Variants in MAEA observed in about 807,000 individuals in gnomAD.
The protein encoded by MAEA is E3 ubiquitin-protein transferase MAEA.
Under a neutral mutation model 46.2 loss-of-function variants are expected in MAEA, and 22 were observed. The ratio of observed to expected loss-of-function variants is 0.48; its 90% CI spans 0.34 to 0.68. The LOEUF is 0.68. MAEA is among the 30% of genes least tolerant of loss of function. MAEA has a pLI of 0.01. For synonymous variants in MAEA, 246 were observed against 222.6 expected (o/e 1.11, Z -0.94); for missense variants, 393 against 558.1 (o/e 0.70, Z 2.98).
chr4:1,306,171 C>T (rs1560338591), intron 1 of MAEA, among the ~76,000 whole-genome samples: 1 of 152,142 alleles, frequency 6.6e-6, no homozygotes, highest in Non-Finnish European at 1.5e-5. Context: ...TAATACTTGG[C>T]CAAATGTTTG....
rs1237184721 is a variant in MAEA at position 1,311,057 on chromosome 4, A to T, written c.70-922A>T. On this transcript the variant is annotated intron_variant, in intron 1 of 8. Transcript: ENST00000303400. The surrounding 1 kb of genome is among the most constrained non-coding windows in gnomAD (Gnocchi z 4.4). ...GGGCCGGGGGAGCAGGCGGTACCCG[A>T]GAGTCTGTCCTCCCATGGTTGGGCA... Among the ~76,000 whole-genome samples the T allele has an allele frequency of 2.0e-5, 1 of 49,480 alleles. No homozygotes were observed. Among genetic ancestry groups the T allele is most frequent in the African/African-American group, 9.5e-5 (1 of 10,554 alleles). The allele number at this position is 49,480 out of a possible 152,430, so 32.5% of individuals were successfully genotyped here. A position where few individuals can be genotyped will look rare whatever the true frequency, so the allele number is the denominator to read the frequency against.
At chr4:1,338,888 T>C in intron 8 of MAEA, 186 bp from the exon 9 acceptor site, 1 of 659,614 alleles carries the variant, frequency 1.5e-6, no homozygotes, top group Non-Finnish European at 2.7e-6. Context: ...TCGTTCGAAA[T>C]GGATGAAGGG....
intron 8 of MAEA, chr4:1,338,862 C>T: frequency 1.5e-6 from 1 of 649,996 alleles, no homozygotes; most frequent in Non-Finnish European, 2.7e-6. Context: ...TCCTCTCGCC[C>T]CACCCTGCCT....
intron 1 of MAEA, among the ~76,000 whole-genome samples, chr4:1,292,174 A>T (rs11727297): frequency 6.6e-6 from 1 of 152,024 alleles, no homozygotes; most frequent in Non-Finnish European, 1.5e-5. Context: ...TCTGAGAGCA[A>T]GTCCTCCTGC....
chr4:1,295,676 C>T (rs2108853885), intron 1 of MAEA, among the ~76,000 whole-genome samples: 1 of 136,046 alleles, frequency 7.4e-6, no homozygotes, highest in East Asian at 2.4e-4. Context: ...TACCCCCTCA[C>T]CCGCTCCTAT....
At chr4:1,318,231 C>G (rs953794756) in intron 3 of MAEA, among the ~76,000 whole-genome samples, 4 of 152,226 alleles carry the variant, frequency 2.6e-5, no homozygotes, top group African/African-American at 9.7e-5. Flanking sequence ...GCACACTGTC[C>G]TTGGGACCCA....
intron 1 of MAEA, among the ~76,000 whole-genome samples, chr4:1,298,854 C>G (rs1291124394): frequency 6.6e-6 from 1 of 151,858 alleles, no homozygotes; most frequent in East Asian, 1.9e-4. Flanking sequence ...CTTGGCAAGG[C>G]ACTTTGGCAT....
intron 3 of MAEA, among the ~76,000 whole-genome samples, chr4:1,316,073 C>G: frequency 6.6e-6 from 1 of 152,052 alleles, no homozygotes; most frequent in Non-Finnish European, 1.5e-5. Flanking sequence ...ACACATCCTG[C>G]TTAGGATTTT....
chr4:1,323,080 G>A (rs1484168236), intron 4 of MAEA, among the ~76,000 whole-genome samples: 1 of 151,066 alleles, frequency 6.6e-6, no homozygotes, highest in African/African-American at 2.4e-5. Context: ...CTGAGTAGCT[G>A]GGATTATAGG....
chr4:1,329,205 C>A (rs1199419586), intron 5 of MAEA: 6 of 985,648 alleles, frequency 6.1e-6, no homozygotes, highest in Non-Finnish European at 6.0e-6. Context: ...CCTGTTACCC[C>A]CACTCCGCAT....
At chr4:1,310,489 G>C (rs17164623) in intron 1 of MAEA, among the ~76,000 whole-genome samples, 1 of 152,142 alleles carries the variant, frequency 6.6e-6, no homozygotes, top group African/African-American at 2.4e-5. Flanking sequence ...GCCTGGCTTC[G>C]AGTCCGTCTC....
intron 6 of MAEA, 44 bp downstream of exon 6, chr4:1,332,909 A>T (rs932955487): frequency 6.8e-7 from 1 of 1,478,360 alleles, no homozygotes; most frequent in African/African-American, 1.4e-5. Flanking sequence ...TGGGGTGGGG[A>T]TCCAGGGTGT....
At chr4:1,322,572 G>A in intron 4 of MAEA, 69 bp downstream of exon 4, 1 of 1,584,626 alleles carries the variant, frequency 6.3e-7, no homozygotes. Flanking sequence ...CCTGGAGCCA[G>A]CACCCCCTTG....
chr4:1,307,527 T>C (rs1735947983), intron 1 of MAEA, among the ~76,000 whole-genome samples: 1 of 152,280 alleles, frequency 6.6e-6, no homozygotes, highest in Non-Finnish European at 1.5e-5. Flanking sequence ...TTCCACTGTG[T>C]ATTGTGTTAC....
chr4:1,339,117 G>A lies in MAEA; in HGVS notation c.1139G>A (p.Arg380Lys). 4 of 1,613,978 alleles carry A rather than the reference G, an allele frequency of 2.5e-6. No homozygotes were observed. The highest frequency in any genetic ancestry group is 3.4e-6 in the Non-Finnish European group (4 of 1,180,028). ...IRQDDKVVCPRTKEVFHFSQA... is the reference protein window; with the variant it reads ...IRQDDKVVCPKTKEVFHFSQA... ...CAAGATGATAAAGTCGTGTGCCCGA[G>A]AACCAAAGAAGTCTTCCACTTCTCA... Residue 380 changes from arginine to lysine, a missense_variant, in exon 9 of 9, where the codon AGA (arginine) becomes AAA (lysine). Physicochemically the swap from Arg to Lys is conservative, Grantham distance 26. Around this residue, in one of 2 missense-constraint regions of MAEA, gnomAD observed 358 missense variants for 537.9 expected, o/e 0.67. Transcript: ENST00000303400.
intron 1 of MAEA, among the ~76,000 whole-genome samples, chr4:1,310,956 C>T (rs1044726240): frequency 4.6e-5 from 7 of 152,388 alleles, no homozygotes; most frequent in Middle Eastern, 3.4e-3. Flanking sequence ...TCCAGGTCTC[C>T]CTCACTGCAG....
intron 3 of MAEA, among the ~76,000 whole-genome samples, chr4:1,319,127 G>A (rs934162776): frequency 9.2e-5 from 14 of 152,184 alleles, no homozygotes; most frequent in African/African-American, 2.9e-4. Flanking sequence ...TGAGGCGAGC[G>A]GATCTGTTGA....
At chr4:1,295,025 G>C (rs1472457518) in intron 1 of MAEA, among the ~76,000 whole-genome samples, 1 of 152,136 alleles carries the variant, frequency 6.6e-6, no homozygotes, top group Non-Finnish European at 1.5e-5. Flanking sequence ...GGGTCTCACA[G>C]TGAGACTGGG....
At chr4:1,321,094 C>T (rs763190201) in intron 3 of MAEA, among the ~76,000 whole-genome samples, 3 of 151,644 alleles carry the variant, frequency 2.0e-5, no homozygotes, top group African/African-American at 7.3e-5. Flanking sequence ...AGCGAGACTC[C>T]GTCTCAAAAA....
Sources: gnomAD v4.1 joint callset for allele counts (sites outside exome capture counted in the v4.1 genomes callset) on GRCh38, gnomAD v4.1.1 for gene constraint, gnomAD v4.1.1 regional missense constraint, Gnocchi (gnomAD v3.1) non-coding constraint, MANE v1.5 for transcripts, NCBI Gene and HGNC (gene_info 2026-07-23, HGNC 2026-07-21) for gene names.